The following EMC3 variants were observed in gnomAD, a reference collection of about 807,000 sequenced individuals.
EMC3 encodes 30 kDa protein.
Under a neutral mutation model 36.6 loss-of-function variants are expected in EMC3, and 13 were observed. The ratio of observed to expected loss-of-function variants is 0.35; its 90% CI spans 0.23 to 0.56. The LOEUF is 0.56. EMC3 is among the 20% of genes least tolerant of loss of function. The pLI, the probability that EMC3 is intolerant of heterozygous loss-of-function variation, is 0.84. For missense variants in EMC3, 220 were observed against 324.5 expected, an observed-to-expected ratio of 0.68 and a Z score of 2.47; for synonymous variants, 120 against 111.9, an observed-to-expected ratio of 1.07 and a Z score of -0.46.
At chr3:9,993,479 T>C (rs1294128226) in intron 1 of EMC3, among the ~76,000 whole-genome samples, 1 of 152,212 alleles carries the variant, frequency 6.6e-6, no homozygotes, top group Non-Finnish European at 1.5e-5. Flanking sequence ...GAATACCTCA[T>C]TGGATCTTAC....
rs2085712567 is a variant in EMC3, at chr3:9,963,911, A to G, written c.*158T>C. The G allele has an allele frequency of 8.0e-7, 1 of 1,243,810 alleles. No individual in the cohort carries two copies. Among genetic ancestry groups the G allele is most frequent in the Non-Finnish European group, 1.1e-6 (1 of 897,828 alleles). 77.0% of individuals were successfully genotyped at this position (1,243,810 alleles called of 1,614,324 possible). Reference sequence around the variant, plus strand: ...CATACTCCTATTTCCTCTAGTTTCAAACATAAAGGGGAACCCAGCCCAGAC... The same window carrying G: ...CATACTCCTATTTCCTCTAGTTTCAGACATAAAGGGGAACCCAGCCCAGAC... On this transcript the variant is annotated 3_prime_UTR_variant, in exon 8 of 8. Coordinates refer to ENST00000245046, the MANE Select transcript of EMC3 (RefSeq NM_001394674.1).
intron 1 of EMC3, among the ~76,000 whole-genome samples, chr3:9,997,238 T>A (rs2086137105): frequency 6.6e-6 from 1 of 151,472 alleles, no homozygotes; most frequent in African/African-American, 2.4e-5. Flanking sequence ...CTTCTTTCTT[T>A]TTTTTTTTTT....
At chr3:9,969,481 G>T (rs905104977) in intron 7 of EMC3, 14 of 1,404,512 alleles carry the variant, frequency 1.0e-5, no homozygotes, top group Non-Finnish European at 1.3e-5. Context: ...CAGCATCATT[G>T]ATAGTGTGGA....
upstream of EMC3, among the ~76,000 whole-genome samples, chr3:9,991,120 G>T (rs547823137): frequency 6.6e-6 from 1 of 152,068 alleles, no homozygotes; most frequent in Non-Finnish European, 1.5e-5. Context: ...GAGCCACCGC[G>T]CCCGGCCATT....
chr3:9,980,367 G>A (rs1210509252), intron 1 of EMC3, among the ~76,000 whole-genome samples: 2 of 139,464 alleles, frequency 1.4e-5, no homozygotes, highest in Non-Finnish European at 3.1e-5. Context: ...ACTAATGAAG[G>A]ATTTTTTTTT....
intron 5 of EMC3, among the ~76,000 whole-genome samples, chr3:9,971,513 G>A (rs553791808): frequency 1.3e-5 from 2 of 152,194 alleles, no homozygotes; most frequent in African/African-American, 4.8e-5. Context: ...GTAAGTAAAT[G>A]GCCTGTCTGA....
upstream of EMC3, among the ~76,000 whole-genome samples, chr3:9,991,029 C>A (rs540974571): frequency 1.8e-3 from 267 of 151,850 alleles, 2 homozygotes; most frequent in Non-Finnish European, 2.7e-3. Flanking sequence ...GGGGTTTCAC[C>A]ATGTTAGCCA....
At chr3:9,981,040 C>CA (rs2085906155) in intron 1 of EMC3, among the ~76,000 whole-genome samples, 1 of 152,042 alleles carries the variant, frequency 6.6e-6, no homozygotes, top group Non-Finnish European at 1.5e-5. Context: ...ACTGTCTCCA[C>CA]AAAAAAATTT....
At chr3:9,966,518 GCCCTCTCACT>G (rs1211997180) in intron 7 of EMC3, among the ~76,000 whole-genome samples, 1 of 150,950 alleles carries the variant, frequency 6.6e-6, no homozygotes. Context: ...ACCATGCCCA[GCCCTCTCACT>G]GTTTTTTAGT....
intron 3 of EMC3, among the ~76,000 whole-genome samples, chr3:9,976,295 G>C (rs1168256496): frequency 6.6e-6 from 1 of 151,956 alleles, no homozygotes; most frequent in Non-Finnish European, 1.5e-5. Context: ...TAGTAGAGAC[G>C]GGGTTTCATC....
chr3:9,981,005 A>C (rs547809916), intron 1 of EMC3, among the ~76,000 whole-genome samples: 28 of 152,190 alleles, frequency 1.8e-4, no homozygotes, highest in African/African-American at 6.3e-4. Flanking sequence ...GAGTTCAAGA[A>C]CAGCCTAGTC....
Position 9,969,778 on chromosome 3 carries a change from G to C in EMC3, c.598C>G (p.Gln200Glu). Residue 200 changes from glutamine (Q) to glutamate (E), a missense_variant, in exon 7 of 8, where the codon CAG becomes GAG. Transcript: ENST00000245046. Reference sequence around the variant, plus strand: ...ATGGCTGCTCCCGTCATCTGCTCCTGCATCATTCGTGATTGGTCAGCGGCT... The same window carrying C: ...ATGGCTGCTCCCGTCATCTGCTCCTCCATCATTCGTGATTGGTCAGCGGCT... ...DNAADQSRMM[Q>E]EQMTGAAMAM... 1 of 1,613,716 alleles carries C rather than the reference G, an allele frequency of 6.2e-7. No homozygotes were observed. The highest frequency in any genetic ancestry group is 8.5e-7 in the Non-Finnish European group (1 of 1,180,010).
upstream of EMC3, chr3:9,987,777 T>G: frequency 2.1e-6 from 1 of 483,166 alleles, no homozygotes; most frequent in African/African-American, 2.0e-5. Context: ...AACTCTATTT[T>G]TCAAAATGTC....
At chr3:9,992,175 C>T (rs977514539) in intron 1 of EMC3, among the ~76,000 whole-genome samples, 11 of 152,184 alleles carry the variant, frequency 7.2e-5, no homozygotes, top group Admixed American at 5.2e-4. Flanking sequence ...GGCTGGAGTG[C>T]AGTGGCACAA....
intron 1 of EMC3, among the ~76,000 whole-genome samples, chr3:10,001,588 A>T (rs930240687): frequency 2.6e-5 from 4 of 151,362 alleles, no homozygotes; most frequent in Non-Finnish European, 5.9e-5. Flanking sequence ...AAAAAAAAAA[A>T]CAATTTGTCA....
upstream of EMC3, chr3:9,988,675 G>A: frequency 7.5e-7 from 1 of 1,327,088 alleles, no homozygotes; most frequent in Non-Finnish European, 1.1e-6. Context: ...TTTCGCTGAT[G>A]TGTCATAATA....
upstream of EMC3, chr3:9,988,680 A>G: frequency 7.2e-7 from 1 of 1,387,780 alleles, no homozygotes; most frequent in South Asian, 1.2e-5. Flanking sequence ...CTGATGTGTC[A>G]TAATATTTTT....
At chr3:9,986,127 T>G (rs1428131941) in intron 1 of EMC3, among the ~76,000 whole-genome samples, 2 of 152,144 alleles carry the variant, frequency 1.3e-5, no homozygotes, top group Admixed American at 6.6e-5. Flanking sequence ...GACTGGATGT[T>G]ACAAAGACTA....
intron 7 of EMC3, among the ~76,000 whole-genome samples, chr3:9,966,136 C>CAATT (rs1349851801): frequency 1.3e-5 from 2 of 151,994 alleles, no homozygotes; most frequent in Non-Finnish European, 2.9e-5. Flanking sequence ...AATAGGGTTC[C>CAATT]AATTTCTCCA....
Sources: allele counts gnomAD v4.1 joint callset (sites outside exome capture counted in the v4.1 genomes callset), GRCh38; gene constraint gnomAD v4.1.1; transcripts MANE v1.5; gene names NCBI Gene and HGNC (gene_info 2026-07-23, HGNC 2026-07-21).